Variants in MACROD2 observed in about 807,000 individuals in gnomAD.
The protein encoded by MACROD2 is ADP-ribose glycohydrolase MACROD2.
In MACROD2, 36 loss-of-function variants were observed where a neutral mutation model predicts 70.4. The observed-to-expected ratio is 0.51, with a 90% CI of 0.39 to 0.68. The LOEUF is 0.68. Ranked by LOEUF, MACROD2 falls within the 30% of genes least tolerant of loss-of-function variation. MACROD2 has a pLI of 0.00. For synonymous variants in MACROD2, 172 were observed against 178.8 expected, an observed-to-expected ratio of 0.96 and a Z score of 0.30; for missense variants, 496 against 538.4, an observed-to-expected ratio of 0.92 and a Z score of 0.78.
chr20:15,735,872 T>A (rs6043498), intron 8 of MACROD2, among the ~76,000 whole-genome samples: 49 of 152,224 alleles, frequency 3.2e-4, no homozygotes, highest in African/African-American at 1.1e-3. Context: ...AGATCTTCTC[T>A]TGATCCCCAA....
intron 8 of MACROD2, among the ~76,000 whole-genome samples, chr20:15,751,647 C>T (rs115168009): frequency 0.011 from 1,599 of 151,940 alleles, 24 homozygotes; most frequent in African/African-American, 0.035. Flanking sequence ...ATTGTTTGAG[C>T]ATAAATTGCT....
At chr20:16,038,103 T>A (rs574171489) in intron 15 of MACROD2, among the ~76,000 whole-genome samples, 83 of 152,044 alleles carry the variant, frequency 5.5e-4, no homozygotes, top group Middle Eastern at 3.4e-3. Context: ...CCATTATTTT[T>A]GTTATGAATT....
At chr20:15,673,988 G>C (rs972158510) in intron 8 of MACROD2, among the ~76,000 whole-genome samples, 4 of 152,164 alleles carry the variant, frequency 2.6e-5, no homozygotes, top group African/African-American at 9.7e-5. Context: ...GTATTGAAAT[G>C]TAAAGGAGTG....
chr20:14,126,401 A>G (rs2054650644), intron 3 of MACROD2, among the ~76,000 whole-genome samples: 1 of 152,190 alleles, frequency 6.6e-6, no homozygotes, highest in Admixed American at 6.5e-5. Context: ...AAATAAAATA[A>G]ACACATTCTA....
chr20:15,475,960 A>G (rs1185456514), intron 7 of MACROD2, among the ~76,000 whole-genome samples: 1 of 152,250 alleles, frequency 6.6e-6, no homozygotes, highest in Non-Finnish European at 1.5e-5. Flanking sequence ...AGGGAAATAT[A>G]TTGCAAAAAA....
intron 5 of MACROD2, among the ~76,000 whole-genome samples, chr20:14,881,540 C>T (rs900028459): frequency 1.3e-4 from 20 of 152,006 alleles, no homozygotes; most frequent in Non-Finnish European, 1.0e-4. Context: ...ACCCCACACA[C>T]GGCCTCTTCA....
chr20:14,278,737 T>G (rs2082279690), intron 3 of MACROD2, among the ~76,000 whole-genome samples: 1 of 152,224 alleles, frequency 6.6e-6, no homozygotes, highest in African/African-American at 2.4e-5. Flanking sequence ...AATACTATCA[T>G]TTTGAATGAA....
In MACROD2 at chr20:15,885,776, A is replaced by G; in HGVS notation, c.740A>G (p.Glu247Gly). 1 of 1,490,310 alleles carries G rather than the reference A, an allele frequency of 6.7e-7. No individual in the cohort carries two copies. 92.3% of individuals were successfully genotyped at this position (1,490,310 alleles called of 1,614,324 possible). A position where few individuals can be genotyped will look rare whatever the true frequency, so the allele number is the denominator to read the frequency against. ...TATTTTTTAACAGACGATAATAATGAAGAAGAAGAGGATGTTGAAATGAAA... is the reference window on the plus strand; with the variant it reads ...TATTTTTTAACAGACGATAATAATGGAGAAGAAGAGGATGTTGAAATGAAA... The part of the protein sequence containing the change: ...NEFFSVDDNN[E>G]EEEDVEMKED... The change falls in exon 10 of 18, where the codon GAA becomes GGA. Residue 247 changes from glutamate to glycine, a missense_variant. Physicochemically the swap from Glu to Gly is moderately conservative, Grantham distance 98. Coordinates refer to ENST00000684519, the MANE Select transcript of MACROD2 (RefSeq NM_001351661.2).
chr20:14,250,028 A>G (rs762779718), intron 3 of MACROD2, among the ~76,000 whole-genome samples: 1 of 152,084 alleles, frequency 6.6e-6, no homozygotes, highest in South Asian at 2.1e-4. Context: ...GATATGGGAG[A>G]ATAACTTTAC....
chr20:14,805,209 C>A (rs1436474594), intron 5 of MACROD2, among the ~76,000 whole-genome samples: 2 of 152,022 alleles, frequency 1.3e-5, no homozygotes, highest in Admixed American at 6.5e-5. Flanking sequence ...TTGCTGGATG[C>A]TTTCTACTTC....
At chr20:16,022,550 C>T (rs999414061) in intron 15 of MACROD2, among the ~76,000 whole-genome samples, 5 of 152,142 alleles carry the variant, frequency 3.3e-5, no homozygotes, top group Admixed American at 1.3e-4. Flanking sequence ...TTGCAGATTA[C>T]GAGGCTCTGC....
intron 10 of MACROD2, chr20:15,893,993 C>T (rs1266362365): frequency 6.7e-6 from 3 of 450,786 alleles, no homozygotes; most frequent in Admixed American, 4.8e-5. Flanking sequence ...TAGCTGGGCT[C>T]TAGGGTCTCG....
chr20:15,776,955 G>A (rs1376087093), intron 8 of MACROD2, among the ~76,000 whole-genome samples: 1 of 152,168 alleles, frequency 6.6e-6, no homozygotes, highest in Admixed American at 6.5e-5. Context: ...GAATGCGACT[G>A]TTGAGAGGAA....
intron 8 of MACROD2, among the ~76,000 whole-genome samples, chr20:15,578,323 C>A (rs2048476317): frequency 6.6e-6 from 1 of 152,150 alleles, no homozygotes. Flanking sequence ...AAGCGTGAAT[C>A]CTGCCTCCAG....
In MACROD2 at chr20:14,862,015, A is replaced by ATT. The variant is rs2073328340; in HGVS notation, c.418+177057_418+177058insTT. ...TATTTATATATATATTTATATATAT[A>ATT]TATTTATATATATTTATATATATTT... On this transcript the variant is annotated intron_variant, in intron 5 of 17. Transcript: ENST00000684519. Among the ~76,000 whole-genome samples, 4 of 24,010 alleles carry ATT rather than the reference A, an allele frequency of 1.7e-4. 1 individual carries two copies. Among genetic ancestry groups the ATT allele is most frequent in the African/African-American group, 7.4e-4 (4 of 5,410 alleles). 15.8% of individuals were successfully genotyped at this position (24,010 alleles called of 152,430 possible).
rs374030590 is a variant in MACROD2, at chr20:15,671,942, G to A, written c.645+172095G>A. On this transcript the variant is annotated intron_variant, in intron 8 of 17. Transcript: ENST00000684519. ...TATCAACTGAAAATATTGTCCCAGAGAGGGAGCACAACAATATTTTGTAAA... is the reference window on the plus strand; with the variant it reads ...TATCAACTGAAAATATTGTCCCAGAAAGGGAGCACAACAATATTTTGTAAA... 2.9e-4 allele frequency among the ~76,000 whole-genome samples: 44 copies of A among 152,280 alleles called. No individual in the cohort carries two copies. In the South Asian group the frequency reaches 8.9e-3, roughly 31 times the overall value.
At chr20:15,512,191 C>G (rs553193189) in intron 8 of MACROD2, among the ~76,000 whole-genome samples, 13 of 152,324 alleles carry the variant, frequency 8.5e-5, no homozygotes, top group Middle Eastern at 3.4e-3. Flanking sequence ...TTTCTACTCA[C>G]AAGCACTTGA....
chr20:15,452,867 G>A (rs1406059444), intron 7 of MACROD2, among the ~76,000 whole-genome samples: 1 of 152,164 alleles, frequency 6.6e-6, no homozygotes, highest in African/African-American at 2.4e-5. Flanking sequence ...TAATTAAAAT[G>A]TTGGCTTTCA....
At chr20:14,208,482 C>T (rs2081544103) in intron 3 of MACROD2, among the ~76,000 whole-genome samples, 1 of 152,142 alleles carries the variant, frequency 6.6e-6, no homozygotes, top group Non-Finnish European at 1.5e-5. Flanking sequence ...AGCTACAACT[C>T]AGTTGTCACA....
Sources: allele counts gnomAD v4.1 joint callset (sites outside exome capture counted in the v4.1 genomes callset), GRCh38; gene constraint gnomAD v4.1.1; transcripts MANE v1.5; gene names NCBI Gene and HGNC (gene_info 2026-07-23, HGNC 2026-07-21).